The following ZBTB25 variants were observed in gnomAD, a reference collection of about 807,000 sequenced individuals.
The protein encoded by ZBTB25 is zinc finger and BTB domain-containing protein 25.
A neutral mutation model predicts 34.2 loss-of-function variants in ZBTB25; 20 were observed. The observed-to-expected ratio is 0.58, with a 90% CI of 0.41 to 0.85. The LOEUF (loss-of-function observed/expected upper bound fraction) is 0.85, where lower values mean the gene tolerates loss of function less well. Among genes scored for constraint, ZBTB25 ranks in the 40% least tolerant of loss-of-function variants. ZBTB25 has a pLI of 0.00. For synonymous variants in ZBTB25, 175 were observed against 186.4 expected, an observed-to-expected ratio of 0.94 and a Z score of 0.50; for missense variants, 437 against 521.8, an observed-to-expected ratio of 0.84 and a Z score of 1.58.
chr14:64,472,774 A>C, intron 2 of ZBTB25: 1 of 166,926 alleles, frequency 6.0e-6, no homozygotes. Flanking sequence ...TCAGAGTCAT[A>C]AAATATTTTT....
At position 64,487,512 on chromosome 14, in the gene ZBTB25, C is replaced by T; in HGVS notation, c.719G>A (p.Cys240Tyr). 1 of 1,613,836 alleles carries T rather than the reference C, an allele frequency of 6.2e-7. No individual in the cohort carries two copies. The highest frequency in any genetic ancestry group is 8.5e-7 in the Non-Finnish European group (1 of 1,179,732). ...FTENSVKIHL[C>Y]HYCGERFDSR... ...ATCAAAACGTTCCCCACAGTAATGG[C>T]ATAAGTGTATTTTGACACTGTTTTC... Residue 240 changes from cysteine (C) to tyrosine (Y), a missense_variant, in exon 3 of 3, where the codon TGC (cysteine) becomes TAC (tyrosine). Physicochemically the swap from Cys to Tyr is radical, Grantham distance 194. Transcript: ENST00000608382.
At chr14:64,449,992 A>T (rs1050670979) in intron 2 of ZBTB25, among the ~76,000 whole-genome samples, 3 of 152,148 alleles carry the variant, frequency 2.0e-5, no homozygotes, top group African/African-American at 7.2e-5. Context: ...GGGTTTCACC[A>T]TCTTGGCCAG....
intron 1 of ZBTB25, among the ~76,000 whole-genome samples, chr14:64,497,519 C>A (rs2079318442): frequency 7.0e-6 from 1 of 143,128 alleles, no homozygotes; most frequent in African/African-American, 2.4e-5. Context: ...CTTATAAATA[C>A]CAGAATCAAA....
chr14:64,486,831 T>A lies in ZBTB25; in HGVS notation c.*92A>T. 6.8e-7 allele frequency: 1 copy of A among 1,461,358 alleles called. No individual in the cohort carries two copies. Among genetic ancestry groups the A allele is most frequent in the Non-Finnish European group, 9.0e-7 (1 of 1,109,912 alleles). The allele number at this position is 1,461,358 out of a possible 1,614,324, so 90.5% of individuals were successfully genotyped here. The stretch of plus-strand genomic sequence containing the variant: ...ATAAGCTGTGAAGAAAAAAAGTCAA[T>A]GAAACTTGAGGAGGAAAATAATTTA... On this transcript the variant is annotated 3_prime_UTR_variant, in exon 3 of 3. Coordinates refer to ENST00000608382, the MANE Select transcript of ZBTB25 (RefSeq NM_006977.5).
intron 1 of ZBTB25, among the ~76,000 whole-genome samples, chr14:64,495,582 C>T (rs894599311): frequency 4.6e-5 from 7 of 152,232 alleles, no homozygotes; most frequent in African/African-American, 1.7e-4. Flanking sequence ...AAAACAGAAG[C>T]TTATTCATTG....
At chr14:64,498,257 C>A (rs2079348619) in intron 1 of ZBTB25, among the ~76,000 whole-genome samples, 1 of 152,056 alleles carries the variant, frequency 6.6e-6, no homozygotes, top group African/African-American at 2.4e-5. Context: ...TGAGTCCCAA[C>A]CCAGGCTTAG....
chr14:64,450,258 A>G (rs1379506152), intron 2 of ZBTB25, among the ~76,000 whole-genome samples: 1 of 152,270 alleles, frequency 6.6e-6, no homozygotes, highest in Non-Finnish European at 1.5e-5. Flanking sequence ...AATTCACTGT[A>G]GCCTTTAAAA....
At chr14:64,475,789 C>T (rs143139387), downstream of ZBTB25, among the ~76,000 whole-genome samples, 1,072 of 152,278 alleles carry the variant, frequency 7.0e-3, 15 homozygotes, top group African/African-American at 0.024. Flanking sequence ...GTCTGGGAAA[C>T]TCCCAGCCTT....
Position 64,487,771 on chromosome 14 carries a change from T to C in ZBTB25, c.460A>G (p.Asn154Asp). The C allele has an allele frequency of 6.2e-7, 1 of 1,614,242 alleles. No individual in the cohort carries two copies. The highest frequency in any genetic ancestry group is 8.5e-7 in the Non-Finnish European group (1 of 1,180,034). Residue 154 changes from asparagine (N) to aspartate (D), a missense_variant, in exon 3 of 3, where the codon AAC (asparagine) becomes GAC (aspartate). Coordinates refer to ENST00000608382, the MANE Select transcript of ZBTB25 (RefSeq NM_006977.5). ...TGGACAGCAGCTCTGTTTCCACTGTTACTGGAAGGAGCTTCTTTGACCTCC... is the reference window on the plus strand; with the variant it reads ...TGGACAGCAGCTCTGTTTCCACTGTCACTGGAAGGAGCTTCTTTGACCTCC... ...GLEVKEAPSSNSGNRAAVQGD... is the reference protein window; with the variant it reads ...GLEVKEAPSSDSGNRAAVQGD...
At chr14:64,494,813 G>C (rs2079214247) in intron 1 of ZBTB25, among the ~76,000 whole-genome samples, 1 of 152,076 alleles carries the variant, frequency 6.6e-6, no homozygotes, top group Non-Finnish European at 1.5e-5. Context: ...AGTTTACAGA[G>C]AACTTTCATA....
intron 2 of ZBTB25, chr14:64,468,487 G>A (rs1394160823): frequency 6.2e-7 from 1 of 1,614,086 alleles, no homozygotes; most frequent in South Asian, 1.1e-5. Flanking sequence ...AGAAGGAAAA[G>A]GCATCCATGC....
intron 2 of ZBTB25, among the ~76,000 whole-genome samples, chr14:64,488,958 T>G (rs1278413547): frequency 6.6e-6 from 1 of 152,188 alleles, no homozygotes; most frequent in Non-Finnish European, 1.5e-5. Flanking sequence ...AAGAACCTAT[T>G]GAAATCAGCA....
intron 1 of ZBTB25, among the ~76,000 whole-genome samples, chr14:64,494,718 G>A (rs908335394): frequency 2.6e-5 from 4 of 152,194 alleles, no homozygotes; most frequent in African/African-American, 9.6e-5. Context: ...GGAAGCTGCA[G>A]ATCAGAAGAC....
chr14:64,503,234 G>C, intron 1 of ZBTB25: 1 of 985,508 alleles, frequency 1.0e-6, no homozygotes, highest in South Asian at 4.7e-5. Context: ...CACAAGCTGG[G>C]AGTGGAAACA....
In ZBTB25 at chr14:64,503,718, G is replaced by A. The variant is rs2079576397; in HGVS notation, c.-65C>T. 1 of 601,090 alleles carries A rather than the reference G, an allele frequency of 1.7e-6. No homozygotes were observed. The highest frequency in any genetic ancestry group is 2.1e-6 in the Non-Finnish European group (1 of 478,660). 37.2% of individuals were successfully genotyped at this position (601,090 alleles called of 1,614,324 possible). ...CCGTGCAGGAGGGGCGGGCTCCCAAGCCGCGCACTGCAAGCAGTGGCGCCG... is the reference window on the plus strand; with the variant it reads ...CCGTGCAGGAGGGGCGGGCTCCCAAACCGCGCACTGCAAGCAGTGGCGCCG... On this transcript the variant is annotated 5_prime_UTR_variant, in exon 1 of 3. Coordinates refer to ENST00000608382, the MANE Select transcript of ZBTB25 (RefSeq NM_006977.5).
intron 1 of ZBTB25, among the ~76,000 whole-genome samples, chr14:64,497,653 T>G (rs1311756964): frequency 1.3e-5 from 2 of 152,342 alleles, no homozygotes; most frequent in East Asian, 3.9e-4. Context: ...GTAGTAACTC[T>G]GGATTACTTC....
chr14:64,495,096 C>A (rs2079222905), intron 1 of ZBTB25, among the ~76,000 whole-genome samples: 1 of 152,188 alleles, frequency 6.6e-6, no homozygotes, highest in South Asian at 2.1e-4. Flanking sequence ...TAAATCCAAC[C>A]TTTGGCTAAT....
Position 64,486,543 on chromosome 14 carries a change from C to A in ZBTB25, c.*380G>T. On this transcript the variant is annotated 3_prime_UTR_variant, in exon 3 of 3. Coordinates refer to ENST00000608382, the MANE Select transcript of ZBTB25 (RefSeq NM_006977.5). ...GGAGTGAATTCATGTGAAATGTAGGCAGAAGTGATAGTTTAGAATATGCTT... is the reference window on the plus strand; with the variant it reads ...GGAGTGAATTCATGTGAAATGTAGGAAGAAGTGATAGTTTAGAATATGCTT... The A allele has an allele frequency of 1.1e-6, 1 of 951,956 alleles. No individual in the cohort carries two copies. Among genetic ancestry groups the A allele is most frequent in the Non-Finnish European group, 1.3e-6 (1 of 797,556 alleles). 59.0% of individuals were successfully genotyped at this position (951,956 alleles called of 1,614,324 possible). A position where few individuals can be genotyped will look rare whatever the true frequency, so the allele number is the denominator to read the frequency against.
intron 2 of ZBTB25, chr14:64,460,292 G>A (rs190724899): frequency 5.1e-6 from 1 of 195,518 alleles, no homozygotes; most frequent in Admixed American, 5.3e-5. Flanking sequence ...CCCTGAGGAA[G>A]TATTGCTTAT....
Sources: allele counts gnomAD v4.1 joint callset (sites outside exome capture counted in the v4.1 genomes callset), GRCh38; gene constraint gnomAD v4.1.1; transcripts MANE v1.5; gene names NCBI Gene and HGNC (gene_info 2026-07-23, HGNC 2026-07-21).